TPCN1: variants seen among roughly 807,000 people sequenced by gnomAD.
TPCN1 encodes the protein two pore segment channel 1.
TPCN1 carries 52 observed loss-of-function variants against 108.8 expected under a neutral mutation model. The ratio of observed to expected loss-of-function variants is 0.48; its 90% CI spans 0.38 to 0.60. The LOEUF is 0.60. TPCN1 is among the 20% of genes least tolerant of loss of function. The probability of loss-of-function intolerance (pLI) is 0.00; values close to 1 mark genes in which losing one functional copy is unlikely to be tolerated. For missense variants in TPCN1, 806 were observed against 1,072.8 expected (o/e 0.75, Z 3.47); for synonymous variants, 446 against 433.7 (o/e 1.03, Z -0.35).
Position 113,291,411 on chromosome 12 carries a change from G to A in TPCN1, c.1960-198G>A, listed in dbSNP as rs1956262311. On this transcript the variant is annotated intron_variant, in intron 23 of 27. Coordinates refer to ENST00000335509, the MANE Select transcript of TPCN1 (RefSeq NM_017901.6). ...CCCTGGTTCTGGATCCAGTCGTCCAGGGGAGTGGCCAGGGCTCCTTCAGCA... is the reference window on the plus strand; with the variant it reads ...CCCTGGTTCTGGATCCAGTCGTCCAAGGGAGTGGCCAGGGCTCCTTCAGCA... 5 of 610,282 alleles carry A rather than the reference G, an allele frequency of 8.2e-6. 1 individual carries two copies. Among genetic ancestry groups the A allele is most frequent in the South Asian group, 7.9e-5 (4 of 50,946 alleles). The allele number at this position is 610,282 out of a possible 1,614,324, so 37.8% of individuals were successfully genotyped here. A position where few individuals can be genotyped will look rare whatever the true frequency, so the allele number is the denominator to read the frequency against.
chr12:113,295,329 G>C (rs1473986311), intron 27 of TPCN1, among the ~76,000 whole-genome samples: 1 of 151,794 alleles, frequency 6.6e-6, no homozygotes, highest in Non-Finnish European at 1.5e-5. Flanking sequence ...TGTATTTCCA[G>C]CTGCTTGGGA....
intron 2 of TPCN1, among the ~76,000 whole-genome samples, chr12:113,235,117 T>C (rs1392026654): frequency 6.6e-6 from 1 of 152,174 alleles, no homozygotes; most frequent in Non-Finnish European, 1.5e-5. Context: ...GGTCAGGCAG[T>C]CTCCTCTTTG....
chr12:113,283,608 C>A (rs1212017083), intron 15 of TPCN1, among the ~76,000 whole-genome samples: 2 of 151,848 alleles, frequency 1.3e-5, no homozygotes, highest in African/African-American at 4.8e-5. Context: ...TGCACTTCAG[C>A]CTGGGTAATA....
chr12:113,291,471 T>G, intron 23 of TPCN1, 138 bp from the exon 24 acceptor site: 3 of 736,010 alleles, frequency 4.1e-6, no homozygotes, highest in Non-Finnish European at 6.8e-6. Context: ...AGGGGCAAGC[T>G]TCCTCTCCTC....
chr12:113,285,200 G>A (rs961168070), intron 17 of TPCN1, among the ~76,000 whole-genome samples: 2 of 152,182 alleles, frequency 1.3e-5, no homozygotes, highest in East Asian at 1.9e-4. Context: ...CCCTGTTGGC[G>A]TCTTTCCTCC....
At chr12:113,260,117 T>G (rs1954970074) in intron 2 of TPCN1, among the ~76,000 whole-genome samples, 1 of 152,216 alleles carries the variant, frequency 6.6e-6, no homozygotes, top group South Asian at 2.1e-4. Context: ...CTCCCTTTTG[T>G]ACACATTAGA....
At position 113,266,437 on chromosome 12, in the gene TPCN1, C is replaced by A; in HGVS notation, c.414+81C>A. The A allele has an allele frequency of 1.3e-6, 2 of 1,545,296 alleles. No homozygotes were observed. The highest frequency in any genetic ancestry group is 1.2e-5 in the South Asian group (1 of 85,654). ...CGATGGAACTCCAAAAAGGAACATT[C>A]TGGGAGGGCAAACACTGCAAACGGA... On this transcript the variant is annotated intron_variant, in intron 4 of 27. Coordinates refer to ENST00000335509, the MANE Select transcript of TPCN1 (RefSeq NM_017901.6). This position sits in a 1 kb window ranked among gnomAD's most constrained non-coding sequence, Gnocchi z 4.2.
intron 10 of TPCN1, among the ~76,000 whole-genome samples, chr12:113,276,053 GAC>G (rs1955663036): frequency 6.6e-6 from 1 of 152,200 alleles, no homozygotes; most frequent in South Asian, 2.1e-4. Flanking sequence ...GTTTCATTGG[GAC>G]AGAGTCATGC....
At chr12:113,247,032 A>G (rs1182481370) in intron 2 of TPCN1, among the ~76,000 whole-genome samples, 3 of 152,176 alleles carry the variant, frequency 2.0e-5, no homozygotes, top group Non-Finnish European at 2.9e-5. Flanking sequence ...AGAACAAGGC[A>G]CCAGGCCACT....
Position 113,288,625 on chromosome 12 carries a change from G to A in TPCN1, c.1707-133G>A. ...TGCCCCACGAGGCCCCTTCCCCGCA[G>A]GCACTTTCCAGTTGGTGAACCGACC... On this transcript the variant is annotated intron_variant, in intron 20 of 27. Transcript: ENST00000335509. This position sits in a 1 kb window ranked among gnomAD's most constrained non-coding sequence, Gnocchi z 4.8. The A allele has an allele frequency of 6.5e-7, 1 of 1,528,752 alleles. No homozygotes were observed. Among genetic ancestry groups the A allele is most frequent in the South Asian group, 1.2e-5 (1 of 80,758 alleles). The allele number at this position is 1,528,752 out of a possible 1,614,324, so 94.7% of individuals were successfully genotyped here.
rs80148462 is a variant in TPCN1, at chr12:113,231,910, C to G, written c.112+4946C>G. ...ACAGACCACAGTCCACACCGCGTGA[C>G]AGGCGGTGGTCTCACCCACCACATT... On this transcript the variant is annotated intron_variant, in intron 2 of 27. Coordinates refer to ENST00000335509, the MANE Select transcript of TPCN1 (RefSeq NM_017901.6). The surrounding 1 kb of genome is among the most constrained non-coding windows in gnomAD (Gnocchi z 4.3). Among the ~76,000 whole-genome samples the G allele has an allele frequency of 6.6e-6, 1 of 152,200 alleles. No individual in the cohort carries two copies. Among genetic ancestry groups the G allele is most frequent in the African/African-American group, 2.4e-5 (1 of 41,444 alleles).
At chr12:113,270,668 A>T (rs1377868609) in intron 7 of TPCN1, among the ~76,000 whole-genome samples, 1 of 152,008 alleles carries the variant, frequency 6.6e-6, no homozygotes, top group Non-Finnish European at 1.5e-5. Context: ...TTTAGTAGAG[A>T]TGGGGTTTCA....
chr12:113,270,550 G>A (rs539881323), intron 7 of TPCN1, among the ~76,000 whole-genome samples: 7 of 151,430 alleles, frequency 4.6e-5, no homozygotes, highest in African/African-American at 1.5e-4. Flanking sequence ...GCACGATCTC[G>A]GCTTACTACA....
At position 113,267,907 on chromosome 12, in the gene TPCN1, G is replaced by T. The variant is rs1315631761; in HGVS notation, c.479G>T (p.Arg160Leu). 1 of 1,614,108 alleles carries T rather than the reference G, an allele frequency of 6.2e-7. No individual in the cohort carries two copies. The highest frequency in any genetic ancestry group is 8.5e-7 in the Non-Finnish European group (1 of 1,180,002). ...VVVFELCMKL[R>L]WLGLHTFIRH... ...GTGTTTGAACTCTGCATGAAGTTAC[G>T]CTGGCTGGGCCTCCACACCTTCATC... Residue 160 changes from arginine (R) to leucine (L), a missense_variant, in exon 5 of 28, where the codon CGC becomes CTC. Transcript: ENST00000335509.
At position 113,291,083 on chromosome 12, in the gene TPCN1, C is replaced by T. The variant is rs377715719; in HGVS notation, c.1959+85C>T. 157 of 1,286,278 alleles carry T rather than the reference C, an allele frequency of 1.2e-4. No individual in the cohort carries two copies. In the East Asian group the frequency reaches 3.3e-3, roughly 27 times the overall value. The allele number at this position is 1,286,278 out of a possible 1,614,324, so 79.7% of individuals were successfully genotyped here. ...CTCCCCCAACCCAGAGTATATAATT[C>T]TTCCCGTAGCTTGCAGGGCTGGGGG... On this transcript the variant is annotated intron_variant, in intron 23 of 27. Transcript: ENST00000335509.
chr12:113,256,144 T>A lies in TPCN1; in HGVS notation c.113-4224T>A, dbSNP rs189982856. 5.5e-3 allele frequency among the ~76,000 whole-genome samples: 830 copies of A among 151,002 alleles called. 9 individuals are homozygous for A. The highest frequency in any genetic ancestry group is 0.018 in the African/African-American group (762 of 41,246). ...GCCTAATTTTTTTACTTAAAAAAAA[T>A]TTTTTTTTTGTAGAGATAGGGTCTC... On this transcript the variant is annotated intron_variant, in intron 2 of 27. Coordinates refer to ENST00000335509, the MANE Select transcript of TPCN1 (RefSeq NM_017901.6).
chr12:113,246,498 C>T (rs1268487715), intron 2 of TPCN1, among the ~76,000 whole-genome samples: 2 of 152,228 alleles, frequency 1.3e-5, no homozygotes, highest in Non-Finnish European at 2.9e-5. Flanking sequence ...GCATGTGGAG[C>T]TTGCTGGCTG....
chr12:113,250,482 G>T (rs187672582), intron 2 of TPCN1, among the ~76,000 whole-genome samples: 1 of 152,366 alleles, frequency 6.6e-6, no homozygotes, highest in Non-Finnish European at 1.5e-5. Flanking sequence ...TGGTGATGGG[G>T]TACTCACTGC....
rs1953680072 is a variant in TPCN1, at chr12:113,231,347, A to G, written c.112+4383A>G. On this transcript the variant is annotated intron_variant, in intron 2 of 27. Coordinates refer to ENST00000335509, the MANE Select transcript of TPCN1 (RefSeq NM_017901.6). This position sits in a 1 kb window ranked among gnomAD's most constrained non-coding sequence, Gnocchi z 4.3. ...CTCTTTCCTTGGCTCGCAAATGGTT[A>G]TCTTCTTGCTGTGTCCCCACATGAT... is the stretch of plus-strand genomic sequence containing the variant. Among the ~76,000 whole-genome samples, 1 of 152,182 alleles carries G rather than the reference A, an allele frequency of 6.6e-6. No homozygotes were observed. Among genetic ancestry groups the G allele is most frequent in the South Asian group, 2.1e-4 (1 of 4,826 alleles).
Sources: gnomAD v4.1 joint callset for allele counts (sites outside exome capture counted in the v4.1 genomes callset) on GRCh38, gnomAD v4.1.1 for gene constraint, Gnocchi (gnomAD v3.1) non-coding constraint, MANE v1.5 for transcripts, NCBI Gene and HGNC (gene_info 2026-07-23, HGNC 2026-07-21) for gene names.